PCID2: variants seen among roughly 807,000 people sequenced by gnomAD.
PCID2 encodes the protein PCI domain containing 2.
Under a neutral mutation model 61.3 loss-of-function variants are expected in PCID2, and 41 were observed. The ratio of observed to expected loss-of-function variants is 0.67; its 90% CI spans 0.52 to 0.87. PCID2 has a LOEUF of 0.87. Ranked by LOEUF, PCID2 falls within the 40% of genes least tolerant of loss-of-function variation. The pLI, the probability that PCID2 is intolerant of heterozygous loss-of-function variation, is 0.00. For missense variants in PCID2, 392 were observed against 493.4 expected (o/e 0.79, Z 1.95); for synonymous variants, 187 against 177.8 (o/e 1.05, Z -0.41).
rs1281621703 is a variant in PCID2, at chr13:113,200,464, GAC to G, written c.87_88del (p.Ser30PhefsTer2). 1 of 1,613,590 alleles carries G rather than the reference GAC, an allele frequency of 6.2e-7. No individual in the cohort carries two copies. Among genetic ancestry groups the G allele is most frequent in the Admixed American group, 1.7e-5 (1 of 60,022 alleles). On this transcript the variant is annotated frameshift_variant, in exon 2 of 14. Transcript: ENST00000337344. LOFTEE classifies it high-confidence loss of function. ...GTTTGCAACATGAGGATGTTTAAAA[GAC>G]ACCAACTCTGCACAAGATGCTCCAT...
intron 9 of PCID2, 200 bp downstream of exon 9, chr13:113,184,146 A>C (rs1595170149): frequency 4.4e-6 from 2 of 455,402 alleles, no homozygotes; most frequent in East Asian, 3.1e-4. Context: ...TCCAGCATGC[A>C]CTTCAGAGAC....
At chr13:113,172,925 AGT>A (rs1266674032), downstream of PCID2, among the ~76,000 whole-genome samples, 3 of 152,116 alleles carry the variant, frequency 2.0e-5, no homozygotes, top group Non-Finnish European at 4.4e-5. Context: ...TTGTGGCTGG[AGT>A]GTGTGTCCCT....
At chr13:113,190,850 C>A in intron 7 of PCID2, 22 bp downstream of exon 7, 2 of 1,474,604 alleles carry the variant, frequency 1.4e-6, no homozygotes, top group Non-Finnish European at 1.9e-6. Context: ...GTCTGGTGGT[C>A]GGTCCTCAAG....
rs891367570 is a variant in PCID2, at chr13:113,179,221, A to AAC, written c.987-134_987-133dup. The AAC allele has an allele frequency of 4.9e-6, 3 of 611,948 alleles. No homozygotes were observed. Among genetic ancestry groups the AAC allele is most frequent in the African/African-American group, 1.8e-5 (1 of 54,082 alleles). The allele number at this position is 611,948 out of a possible 1,614,324, so 37.9% of individuals were successfully genotyped here. On this transcript the variant is annotated intron_variant, in intron 12 of 13. Transcript: ENST00000337344. This position sits in a 1 kb window ranked among gnomAD's most constrained non-coding sequence, Gnocchi z 4.3. ...ATTCCCACCTATTAGATAAACTCTAAACTACACTCTCAGAGCTATTAAATC... is the reference window on the plus strand; with the variant it reads ...ATTCCCACCTATTAGATAAACTCTAAACACTACACTCTCAGAGCTATTAAATC...
At position 113,196,181 on chromosome 13, in the gene PCID2, C is replaced by T; in HGVS notation, c.308G>A (p.Trp103Ter). ...RAFQAHKEENWALPVMYAVAL... is the reference protein window; with the variant it reads ...RAFQAHKEEN ...TTCAGCTGTTTCTGTTCACACTTAC[C>T]AGTTTTCTTCTTTGTGGGCCTGGAA... Residue 103 changes from tryptophan to a stop codon, truncating the protein, a stop_gained and splice_region_variant, in exon 5 of 14, where the codon TGG (tryptophan) becomes TAG (stop). Transcript: ENST00000337344. LOFTEE classifies it high-confidence loss of function. The T allele has an allele frequency of 6.2e-7, 1 of 1,605,150 alleles. No individual in the cohort carries two copies. The highest frequency in any genetic ancestry group is 8.5e-7 in the Non-Finnish European group (1 of 1,172,924).
At chr13:113,180,976 C>G (rs1312528738) in intron 10 of PCID2, among the ~76,000 whole-genome samples, 154 bp downstream of exon 10, 5 of 152,230 alleles carry the variant, frequency 3.3e-5, no homozygotes, top group Non-Finnish European at 5.9e-5. Flanking sequence ...TTGGGCCACA[C>G]ACAATGCATG....
intron 6 of PCID2, 134 bp from the exon 7 acceptor site, chr13:113,191,109 C>A: frequency 2.0e-6 from 1 of 512,020 alleles, no homozygotes; most frequent in Non-Finnish European, 3.4e-6. Context: ...CTTCCCATCT[C>A]AGCCTCCTGA....
chr13:113,194,940 G>T (rs1319715971), intron 6 of PCID2, 131 bp downstream of exon 6: 1 of 678,186 alleles, frequency 1.5e-6, no homozygotes, highest in Non-Finnish European at 2.7e-6. Context: ...TCTTTCTTTT[G>T]CTCCCTATAC....
chr13:113,174,818 C>T (rs1478827218), downstream of PCID2, among the ~76,000 whole-genome samples: 2 of 152,220 alleles, frequency 1.3e-5, no homozygotes, highest in African/African-American at 2.4e-5. Flanking sequence ...AACTAGTTCA[C>T]ACTTGGGCAG....
chr13:113,170,324 G>C, the PCID2 span: 47 of 798,286 alleles, frequency 5.9e-5, no homozygotes, highest in Non-Finnish European at 1.0e-4. Context: ...GGGGTGGGGG[G>C]GTGGTCCATA....
rs575355776 is a variant in PCID2, at chr13:113,185,417, T to C, written c.543+68A>G. 1,483 of 1,040,884 alleles carry C rather than the reference T, an allele frequency of 1.4e-3. 2 individuals carry two copies. The highest frequency in any genetic ancestry group is 1.5e-3 in the Non-Finnish European group (999 of 658,372). The allele number at this position is 1,040,884 out of a possible 1,614,324, so 64.5% of individuals were successfully genotyped here. A position where few individuals can be genotyped will look rare whatever the true frequency, so the allele number is the denominator to read the frequency against. The stretch of plus-strand genomic sequence containing the variant: ...CGCCAGGGAGGCTAGCTGATATATA[T>C]ATGATATGTGGGAAGCCCAGGACAA... On this transcript the variant is annotated intron_variant, in intron 8 of 13. Transcript: ENST00000337344.
At chr13:113,176,848 A>G (rs899888369), downstream of PCID2, among the ~76,000 whole-genome samples, 2 of 152,186 alleles carry the variant, frequency 1.3e-5, no homozygotes, top group Non-Finnish European at 2.9e-5. Flanking sequence ...GCAACTCAGA[A>G]GAGAGCCCTC....
downstream of PCID2, among the ~76,000 whole-genome samples, chr13:113,173,562 CTGT>C (rs2037148673): frequency 6.6e-6 from 1 of 152,198 alleles, no homozygotes; most frequent in Non-Finnish European, 1.5e-5. Context: ...TTAAGCCTTA[CTGT>C]TCTTCAGCAC....
rs60637758 is a variant in PCID2 at position 113,177,913 on chromosome 13, C to T, written c.*285G>A. 0.012 allele frequency: 2,882 copies of T among 243,784 alleles called. 76 individuals carry two copies. The highest frequency in any genetic ancestry group is 0.058 in the African/African-American group (2,610 of 44,766). 15.1% of individuals were successfully genotyped at this position (243,784 alleles called of 1,614,324 possible). ...GGAACCACACTTAGGAAAAGTGAGCCGAGCAGCCTTCACGCAAAGCCTCCT... is the reference window on the plus strand; with the variant it reads ...GGAACCACACTTAGGAAAAGTGAGCTGAGCAGCCTTCACGCAAAGCCTCCT... On this transcript the variant is annotated 3_prime_UTR_variant, in exon 14 of 14. Coordinates refer to ENST00000337344, the MANE Select transcript of PCID2 (RefSeq NM_001127202.4).
chr13:113,172,347 G>A, the PCID2 span: 5 of 555,470 alleles, frequency 9.0e-6, no homozygotes, highest in East Asian at 3.2e-5. Flanking sequence ...CATGAGATAC[G>A]TTAAATAATA....
In PCID2 at chr13:113,185,491, G is replaced by T. The variant is rs761966828; in HGVS notation, c.537C>A (p.Tyr179Ter). 1 of 1,609,828 alleles carries T rather than the reference G, an allele frequency of 6.2e-7. No homozygotes were observed. ...LFLVNQLFKI[Y>*]FKINKLHLCK... ...GATTCAAACAGAAGCACACCTTGAA[G>T]TAGATTTTAAACAGCTGGTTCACCA... Residue 179 changes from tyrosine (Y) to a stop codon, truncating the protein, a stop_gained, in exon 8 of 14, where the codon TAC becomes TAA. Transcript: ENST00000337344. LOFTEE classifies it high-confidence loss of function.
chr13:113,182,624 C>G (rs376823454), intron 9 of PCID2, among the ~76,000 whole-genome samples: 1 of 152,152 alleles, frequency 6.6e-6, no homozygotes, highest in African/African-American at 2.4e-5. Flanking sequence ...CTCAGCCTCC[C>G]GAGTAGCTGG....
chr13:113,185,160 G>A (rs1304144640), intron 8 of PCID2, among the ~76,000 whole-genome samples: 4 of 152,194 alleles, frequency 2.6e-5, no homozygotes, highest in African/African-American at 7.2e-5. Context: ...AAGACAAAAC[G>A]CTCTGGAGTG....
chr13:113,165,692 G>A, the PCID2 span, among the ~76,000 whole-genome samples: 7 of 152,206 alleles, frequency 4.6e-5, no homozygotes, highest in South Asian at 8.3e-4. Context: ...CACCACGCCC[G>A]GCTGATTTTT....
Sources: allele counts gnomAD v4.1 joint callset (sites outside exome capture counted in the v4.1 genomes callset), GRCh38; gene constraint gnomAD v4.1.1; non-coding constraint Gnocchi (gnomAD v3.1); transcripts MANE v1.5; gene names NCBI Gene and HGNC (gene_info 2026-07-23, HGNC 2026-07-21).